The following NLGN1 variants were observed in gnomAD, a reference collection of about 807,000 sequenced individuals.
The protein encoded by NLGN1 is neuroligin 1.
A neutral mutation model predicts 65.5 loss-of-function variants in NLGN1; 12 were observed. The observed-to-expected ratio is 0.18, with a 90% CI of 0.12 to 0.30. The LOEUF (loss-of-function observed/expected upper bound fraction) is 0.30, where lower values mean the gene tolerates loss of function less well. Among genes scored for constraint, NLGN1 ranks in the 10% least tolerant of loss-of-function variants. The pLI is 1.00. For synonymous variants in NLGN1, 350 were observed against 359.5 expected (o/e 0.97, Z 0.30); for missense variants, 750 against 1,007.1 (o/e 0.74, Z 3.46).
chr3:174,004,584 G>T (rs1004352240), intron 4 of NLGN1, among the ~76,000 whole-genome samples: 1 of 152,072 alleles, frequency 6.6e-6, no homozygotes, highest in African/African-American at 2.4e-5. Context: ...TCTATTTAAC[G>T]AAATTAGATA....
chr3:173,500,559 G>A (rs561417071), intron 2 of NLGN1, among the ~76,000 whole-genome samples: 100 of 152,122 alleles, frequency 6.6e-4, no homozygotes, highest in Non-Finnish European at 1.2e-3. Context: ...GGATAATGCT[G>A]GCCTCATAAA....
At chr3:174,071,923 G>A (rs1166825746) in intron 4 of NLGN1, among the ~76,000 whole-genome samples, 3 of 152,012 alleles carry the variant, frequency 2.0e-5, no homozygotes, top group African/African-American at 4.8e-5. Context: ...AGATCTAGTC[G>A]GAAGATCTGG....
At chr3:173,468,728 A>G (rs1440218885) in intron 2 of NLGN1, among the ~76,000 whole-genome samples, 2 of 152,104 alleles carry the variant, frequency 1.3e-5, no homozygotes, top group East Asian at 3.8e-4. Context: ...AGTTCCTGGG[A>G]TATCAAGAAG....
chr3:173,678,761 A>G (rs184567574), intron 3 of NLGN1, among the ~76,000 whole-genome samples: 11 of 152,138 alleles, frequency 7.2e-5, no homozygotes, highest in Non-Finnish European at 1.3e-4. Flanking sequence ...AACATGGAAA[A>G]TAGATTTTAA....
At chr3:173,554,535 G>T (rs1229823376) in intron 2 of NLGN1, among the ~76,000 whole-genome samples, 2 of 152,026 alleles carry the variant, frequency 1.3e-5, no homozygotes, top group Non-Finnish European at 2.9e-5. Flanking sequence ...AATTAATTTT[G>T]CTTCTTCTAG....
At chr3:174,027,517 G>A (rs1363085573) in intron 4 of NLGN1, among the ~76,000 whole-genome samples, 4 of 151,994 alleles carry the variant, frequency 2.6e-5, no homozygotes, top group Admixed American at 2.6e-4. Context: ...AAATTTTTCA[G>A]GTTTTAGGAA....
intron 3 of NLGN1, among the ~76,000 whole-genome samples, chr3:173,626,207 A>G (rs1754796706): frequency 6.6e-6 from 1 of 152,082 alleles, no homozygotes; most frequent in East Asian, 1.9e-4. Context: ...ATTAATATAA[A>G]TTAAAATTTA....
rs138192749 is a variant in NLGN1, at chr3:173,642,013, G to GCT, written c.493+36947_493+36948dup. On this transcript the variant is annotated intron_variant, in intron 3 of 6. Coordinates refer to ENST00000457714, the Ensembl canonical transcript of NLGN1. Reference sequence around the variant, plus strand: ...TTTATATAGATGCTTTCAGTGGACTGCTCTCTCTCTCTCTCTCTCTCTCTC... The same window carrying GCT: ...TTTATATAGATGCTTTCAGTGGACTGCTCTCTCTCTCTCTCTCTCTCTCTCTC... 6.5e-3 allele frequency among the ~76,000 whole-genome samples: 955 copies of GCT among 146,262 alleles called. 7 individuals carry two copies. The highest frequency in any genetic ancestry group is 0.028 in the East Asian group (141 of 4,976).
chr3:173,779,482 C>CG (rs759264405), intron 3 of NLGN1, among the ~76,000 whole-genome samples: 36 of 37,772 alleles, frequency 9.5e-4, no homozygotes, highest in Non-Finnish European at 1.6e-3. Flanking sequence ...GGTTTTTACT[C>CG]TCCCTTATTT....
At chr3:174,065,759 C>T (rs1386312079) in intron 4 of NLGN1, among the ~76,000 whole-genome samples, 16 of 151,992 alleles carry the variant, frequency 1.1e-4, no homozygotes, top group Admixed American at 9.8e-4. Flanking sequence ...CTTGTACTCT[C>T]TCCCTCTCTG....
chr3:174,164,304 C>G (rs1399716661), intron 4 of NLGN1, among the ~76,000 whole-genome samples: 1 of 151,656 alleles, frequency 6.6e-6, no homozygotes, highest in Non-Finnish European at 1.5e-5. Flanking sequence ...TTTGCTTGTT[C>G]AGTTGTTTAA....
At chr3:173,578,479 A>T (rs1745889264) in intron 2 of NLGN1, among the ~76,000 whole-genome samples, 1 of 152,156 alleles carries the variant, frequency 6.6e-6, no homozygotes, top group African/African-American at 2.4e-5. Flanking sequence ...ACTGGGATAT[A>T]ACTAAAAATT....
At chr3:174,048,552 G>A (rs1045804564) in intron 4 of NLGN1, among the ~76,000 whole-genome samples, 15 of 151,760 alleles carry the variant, frequency 9.9e-5, no homozygotes, top group Admixed American at 3.3e-4. Flanking sequence ...ATGTAGGTCC[G>A]TGCTACATAT....
intron 2 of NLGN1, among the ~76,000 whole-genome samples, chr3:173,557,034 AT>A (rs57801825): frequency 0.57 from 86,620 of 151,528 alleles, 24,859 homozygotes; most frequent in East Asian, 0.85. Flanking sequence ...AGGCATACTG[AT>A]TTTTTTTGTC....
chr3:173,769,987 G>A (rs979947500), intron 3 of NLGN1, among the ~76,000 whole-genome samples: 1 of 152,090 alleles, frequency 6.6e-6, no homozygotes, highest in Non-Finnish European at 1.5e-5. Context: ...CAAAGCTCAA[G>A]GCAATTAATG....
chr3:173,405,073 C>G (rs758394267), intron 1 of NLGN1, among the ~76,000 whole-genome samples: 3 of 152,034 alleles, frequency 2.0e-5, no homozygotes, highest in Non-Finnish European at 4.4e-5. Context: ...AAAAATTTAT[C>G]CTATTCAGAA....
At chr3:173,930,874 G>A (rs1743960202) in intron 4 of NLGN1, among the ~76,000 whole-genome samples, 1 of 152,100 alleles carries the variant, frequency 6.6e-6, no homozygotes, top group Non-Finnish European at 1.5e-5. Flanking sequence ...TAAAATCTGT[G>A]TGGCCTCCAG....
chr3:173,562,008 A>G (rs1213189389), intron 2 of NLGN1, among the ~76,000 whole-genome samples: 3 of 152,204 alleles, frequency 2.0e-5, no homozygotes, highest in African/African-American at 7.2e-5. Flanking sequence ...AGCACAGTTA[A>G]GGTTTTTGTT....
intron 4 of NLGN1, among the ~76,000 whole-genome samples, chr3:174,008,696 G>A (rs1378305817): frequency 6.6e-6 from 1 of 151,974 alleles, no homozygotes. Context: ...GCACATTAAT[G>A]TATGGCAGGA....
Sources: gnomAD v4.1 joint callset for allele counts (sites outside exome capture counted in the v4.1 genomes callset) on GRCh38, gnomAD v4.1.1 for gene constraint, MANE v1.5 for transcripts, NCBI Gene and HGNC (gene_info 2026-07-23, HGNC 2026-07-21) for gene names.